RIPOR2: variants seen among roughly 807,000 people sequenced by gnomAD.
RIPOR2 encodes the protein rho family-interacting cell polarization regulator 2.
RIPOR2 carries 39 observed loss-of-function variants against 114.5 expected under a neutral mutation model. That is an observed-to-expected ratio of 0.34 (90% confidence interval 0.26 to 0.44). RIPOR2 has a LOEUF of 0.44. RIPOR2 is among the 20% of genes least tolerant of loss of function. RIPOR2 has a pLI of 1.00. For synonymous variants in RIPOR2, 445 were observed against 484.4 expected, an observed-to-expected ratio of 0.92 and a Z score of 1.07; for missense variants, 1,007 against 1,255.1, an observed-to-expected ratio of 0.80 and a Z score of 2.99.
chr6:24,838,381 A>G (rs1295676894), intron 14 of RIPOR2, among the ~76,000 whole-genome samples: 1 of 152,230 alleles, frequency 6.6e-6, no homozygotes, highest in African/African-American at 2.4e-5. Flanking sequence ...GTAAAGTGCA[A>G]GCCAGGGAGA....
chr6:24,897,330 C>A (rs540388953), intron 1 of RIPOR2, among the ~76,000 whole-genome samples: 1 of 152,254 alleles, frequency 6.6e-6, no homozygotes, highest in East Asian at 1.9e-4. Flanking sequence ...GTCAGCAGTG[C>A]GGGTGTTCCA....
intron 1 of RIPOR2, among the ~76,000 whole-genome samples, chr6:24,930,069 TG>T (rs1771266242): frequency 6.6e-6 from 1 of 152,198 alleles, no homozygotes; most frequent in Admixed American, 6.5e-5. Flanking sequence ...AGCGAGAGCC[TG>T]TCTCTTGAAA....
At chr6:25,024,676 A>G (rs962961835) in intron 1 of RIPOR2, among the ~76,000 whole-genome samples, 1 of 152,172 alleles carries the variant, frequency 6.6e-6, no homozygotes, top group Non-Finnish European at 1.5e-5. Context: ...CTGACCCTCA[A>G]AGAGGAAGGA....
rs1562253042 is a variant in RIPOR2 at position 24,846,300 on chromosome 6, C to CTTTTTTT, written c.1164+1724_1164+1725insAAAAAAA. Among the ~76,000 whole-genome samples the CTTTTTTT allele has an allele frequency of 9.0e-5, 10 of 111,320 alleles. 1 individual carries two copies. Among genetic ancestry groups the CTTTTTTT allele is most frequent in the Non-Finnish European group, 7.6e-5 (4 of 52,978 alleles). 73.0% of individuals were successfully genotyped at this position (111,320 alleles called of 152,430 possible). On this transcript the variant is annotated intron_variant, in intron 12 of 21. Coordinates refer to ENST00000643898, the MANE Select transcript of RIPOR2 (RefSeq NM_001286445.3). Reference sequence around the variant, plus strand: ...AGTTTAGCCTGGTCCTTTTCACCTGCCTTTTTTTTTTTTTTTTTTTTTTTG... The same window carrying CTTTTTTT: ...AGTTTAGCCTGGTCCTTTTCACCTGCTTTTTTTCTTTTTTTTTTTTTTTTTTTTTTTG...
Position 24,858,915 on chromosome 6 carries a change from C to A in RIPOR2, c.715+2058G>T, listed in dbSNP as rs1763773322. 6.6e-6 allele frequency among the ~76,000 whole-genome samples: 1 copy of A among 152,160 alleles called. No individual in the cohort carries two copies. ...GCTCCAGATCTGGTCCGAGGGTGGT[C>A]CCTTTCCTCCCCATCCCACTCCTAG... On this transcript the variant is annotated intron_variant, in intron 8 of 21. Transcript: ENST00000643898. This position sits in a 1 kb window ranked among gnomAD's most constrained non-coding sequence, Gnocchi z 4.0.
chr6:24,844,347 G>C (rs1762042586), intron 12 of RIPOR2, among the ~76,000 whole-genome samples: 1 of 116,270 alleles, frequency 8.6e-6, no homozygotes, highest in African/African-American at 2.8e-5. Flanking sequence ...ATTTATTCAG[G>C]CATTTCTATT....
intron 1 of RIPOR2, among the ~76,000 whole-genome samples, chr6:24,974,454 A>T (rs1773943070): frequency 6.6e-6 from 1 of 152,202 alleles, no homozygotes; most frequent in Admixed American, 6.5e-5. Context: ...GAAAATGGAA[A>T]TCAAAACCAC....
chr6:24,843,332 C>T lies in RIPOR2; in HGVS notation c.1387G>A (p.Ala463Thr), dbSNP rs758435615. ...QNEGMDDTSS[A>T]SSRNSLGEGQ... The stretch of plus-strand genomic sequence containing the variant: ...TCTCCCAGGGAGTTCCTGGAAGATG[C>T]TGAGCTGGTGTCATCCATACCCTCA... Residue 463 changes from alanine (A) to threonine (T), a missense_variant, in exon 13 of 22, where the codon GCA (alanine) becomes ACA (threonine). Transcript: ENST00000643898. The T allele has an allele frequency of 1.9e-6, 3 of 1,613,840 alleles. No individual in the cohort carries two copies. Among genetic ancestry groups the T allele is most frequent in the African/African-American group, 1.3e-5 (1 of 74,912 alleles).
intron 1 of RIPOR2, among the ~76,000 whole-genome samples, chr6:24,909,193 C>G (rs2114056050): frequency 6.6e-6 from 1 of 152,260 alleles, no homozygotes; most frequent in Middle Eastern, 3.4e-3. Context: ...GAAAGCTAAT[C>G]CTGAGTGCTG....
intron 1 of RIPOR2, among the ~76,000 whole-genome samples, chr6:24,945,855 G>T (rs12216261): frequency 4.0e-5 from 6 of 151,724 alleles, no homozygotes; most frequent in Admixed American, 6.6e-5. Context: ...TTTTATTCTC[G>T]TTTATTTTCT....
At chr6:24,944,755 A>G (rs527244227) in intron 1 of RIPOR2, among the ~76,000 whole-genome samples, 13 of 152,304 alleles carry the variant, frequency 8.5e-5, no homozygotes, top group African/African-American at 3.1e-4. Flanking sequence ...ACACATCATA[A>G]TCAAACAGTA....
At chr6:24,911,150 G>T in intron 1 of RIPOR2, 1 of 161,622 alleles carries the variant, frequency 6.2e-6, no homozygotes, top group South Asian at 1.8e-4. Flanking sequence ...GCGCGGCGCG[G>T]GGGCCGGCGG....
chr6:24,966,941 G>A (rs1331272257), intron 1 of RIPOR2, among the ~76,000 whole-genome samples: 1 of 152,184 alleles, frequency 6.6e-6, no homozygotes, highest in African/African-American at 2.4e-5. Flanking sequence ...CTTCAAGGTG[G>A]TCTCAGGAGC....
chr6:24,935,968 G>T, upstream of RIPOR2: 2 of 1,188,302 alleles, frequency 1.7e-6, no homozygotes, highest in Non-Finnish European at 2.4e-6. Flanking sequence ...ACTGCCGACC[G>T]AGGTGATTTC....
chr6:24,906,282 G>A (rs369686098), intron 1 of RIPOR2, among the ~76,000 whole-genome samples: 1 of 152,156 alleles, frequency 6.6e-6, no homozygotes, highest in South Asian at 2.1e-4. Flanking sequence ...AAGGATATAG[G>A]AACAAGCAAA....
intron 1 of RIPOR2, among the ~76,000 whole-genome samples, chr6:24,951,120 A>G (rs1772729538): frequency 6.6e-6 from 1 of 152,188 alleles, no homozygotes; most frequent in Admixed American, 6.5e-5. Context: ...TCATATCAAC[A>G]TGGAAGTGGT....
intron 2 of RIPOR2, among the ~76,000 whole-genome samples, chr6:24,874,313 G>T (rs575267189): frequency 6.6e-5 from 10 of 152,174 alleles, no homozygotes; most frequent in African/African-American, 2.4e-4. Context: ...GTCTTGCTAT[G>T]TTGCCCAGGC....
At chr6:24,979,142 A>C (rs1247159725) in intron 1 of RIPOR2, among the ~76,000 whole-genome samples, 1 of 152,152 alleles carries the variant, frequency 6.6e-6, no homozygotes, top group Non-Finnish European at 1.5e-5. Flanking sequence ...AATGGGCTTA[A>C]CTTTCCTCTC....
intron 1 of RIPOR2, among the ~76,000 whole-genome samples, chr6:25,020,927 G>T (rs1776290517): frequency 6.6e-6 from 1 of 151,980 alleles, no homozygotes; most frequent in Non-Finnish European, 1.5e-5. Context: ...CGTGATCTTG[G>T]CCCACGGCAA....
Sources: gnomAD v4.1 joint callset for allele counts (sites outside exome capture counted in the v4.1 genomes callset) on GRCh38, gnomAD v4.1.1 for gene constraint, Gnocchi (gnomAD v3.1) non-coding constraint, MANE v1.5 for transcripts, NCBI Gene and HGNC (gene_info 2026-07-23, HGNC 2026-07-21) for gene names.